RAB3C: variants seen among roughly 807,000 people sequenced by gnomAD.
RAB3C encodes the protein RAB3C, member RAS oncogene family, also known as ras-related protein Rab-3C.
RAB3C carries 17 observed loss-of-function variants against 26.4 expected under a neutral mutation model. That is an observed-to-expected ratio of 0.64 (90% CI 0.44 to 0.97). RAB3C has a LOEUF of 0.97. RAB3C is among the 50% of genes least tolerant of loss of function. The pLI, the probability that RAB3C is intolerant of heterozygous loss-of-function variation, is 0.00. For missense variants in RAB3C, 242 were observed against 281.9 expected (o/e 0.86, Z 1.01); for synonymous variants, 91 against 95.9 (o/e 0.95, Z 0.30).
chr5:58,823,720 T>C (rs941391708), intron 3 of RAB3C: 4 of 187,942 alleles, frequency 2.1e-5, no homozygotes, highest in African/African-American at 9.3e-5. Flanking sequence ...GCTAAAACAA[T>C]GTTCTAGGAT....
At chr5:58,744,743 C>T (rs1025277452) in intron 3 of RAB3C, among the ~76,000 whole-genome samples, 3 of 152,072 alleles carry the variant, frequency 2.0e-5, no homozygotes, top group Non-Finnish European at 4.4e-5. Context: ...AGATAGCATA[C>T]AAGGTTCTGT....
chr5:58,749,333 AT>A (rs1417619416), intron 3 of RAB3C, among the ~76,000 whole-genome samples: 7 of 152,168 alleles, frequency 4.6e-5, no homozygotes, highest in South Asian at 4.1e-4. Flanking sequence ...TGTGAATTTT[AT>A]TTTCACTTAA....
At chr5:58,659,184 A>G (rs545519362) in intron 2 of RAB3C, among the ~76,000 whole-genome samples, 1 of 152,382 alleles carries the variant, frequency 6.6e-6, no homozygotes, top group Non-Finnish European at 1.5e-5. Context: ...TGAGATATAT[A>G]CATATGCCCA....
chr5:58,792,996 G>A (rs1460055490), intron 3 of RAB3C, among the ~76,000 whole-genome samples: 1 of 152,082 alleles, frequency 6.6e-6, no homozygotes, highest in Non-Finnish European at 1.5e-5. Context: ...AAAATATTTA[G>A]AGTGTTATAT....
chr5:58,715,210 G>A (rs1186734443), intron 2 of RAB3C, among the ~76,000 whole-genome samples: 1 of 150,442 alleles, frequency 6.6e-6, no homozygotes, highest in African/African-American at 2.4e-5. Context: ...TAATTCCACA[G>A]GCTGAGTTTC....
At chr5:58,714,220 T>C (rs1025835319) in intron 2 of RAB3C, among the ~76,000 whole-genome samples, 26 of 152,100 alleles carry the variant, frequency 1.7e-4, no homozygotes, top group African/African-American at 6.3e-4. Context: ...ATGGAAGTCA[T>C]GAGGTCTTTA....
In RAB3C at chr5:58,759,905, A is replaced by T. The variant is rs776175377; in HGVS notation, c.371+33785A>T. 1.0e-3 allele frequency among the ~76,000 whole-genome samples: 158 copies of T among 152,218 alleles called. 1 individual carries two copies. The highest frequency in any genetic ancestry group is 3.7e-4 in the Non-Finnish European group (25 of 68,040). On this transcript the variant is annotated intron_variant, in intron 3 of 4. Transcript: ENST00000282878. The stretch of plus-strand genomic sequence containing the variant: ...ACCTGATGGCAAATTTACAGGACGA[A>T]AATTAGGCCACAGAGTAAGTGTTGT...
chr5:58,655,789 C>CTTTTTTTTTTTTTTTTT (rs34352086), intron 2 of RAB3C, among the ~76,000 whole-genome samples: 1 of 91,604 alleles, frequency 1.1e-5, no homozygotes, highest in Non-Finnish European at 2.0e-5. Context: ...AAACCTAACT[C>CTTTTTTTTTTTTTTTTT]TTTTTTTTTT....
chr5:58,789,339 G>GT (rs548994024), intron 3 of RAB3C, among the ~76,000 whole-genome samples: 171 of 152,234 alleles, frequency 1.1e-3, no homozygotes, highest in African/African-American at 4.1e-3. Flanking sequence ...AGGCATGGCT[G>GT]TAGACCCCAA....
chr5:58,600,518 G>A (rs970863122), intron 1 of RAB3C, among the ~76,000 whole-genome samples: 9 of 152,162 alleles, frequency 5.9e-5, no homozygotes, highest in Admixed American at 3.9e-4. Flanking sequence ...ATTTCTTTCA[G>A]TAATGTTTTG....
At chr5:58,675,027 T>A (rs781321559) in intron 2 of RAB3C, among the ~76,000 whole-genome samples, 1 of 152,124 alleles carries the variant, frequency 6.6e-6, no homozygotes, top group Non-Finnish European at 1.5e-5. Context: ...ACCTTGAGGA[T>A]CATATTGAAG....
intron 2 of RAB3C, among the ~76,000 whole-genome samples, chr5:58,688,350 A>G (rs1272989178): frequency 3.3e-5 from 5 of 152,124 alleles, no homozygotes; most frequent in African/African-American, 1.2e-4. Context: ...ACTGTTTAAT[A>G]TAAGTAGTAG....
In RAB3C at chr5:58,718,913, T is replaced by A. The variant is rs72760297; in HGVS notation, c.253-7089T>A. ...GAATGAAACAAGAAAGCATAAAATA[T>A]TTAAGCTTCCTATTTTTCTTACTAT... On this transcript the variant is annotated intron_variant, in intron 2 of 4. Transcript: ENST00000282878. Among the ~76,000 whole-genome samples, 591 of 152,168 alleles carry A rather than the reference T, an allele frequency of 3.9e-3. 4 individuals carry two copies. Among genetic ancestry groups the A allele is most frequent in the Middle Eastern group, 0.017 (5 of 294 alleles).
At chr5:58,722,760 G>T (rs1740801601) in intron 2 of RAB3C, among the ~76,000 whole-genome samples, 2 of 151,912 alleles carry the variant, frequency 1.3e-5, no homozygotes, top group South Asian at 2.1e-4. Flanking sequence ...ATCCAAATAA[G>T]TTCAAGAGTT....
chr5:58,653,516 G>A (rs1319526147), intron 2 of RAB3C, among the ~76,000 whole-genome samples: 4 of 152,088 alleles, frequency 2.6e-5, no homozygotes, highest in Admixed American at 2.6e-4. Flanking sequence ...TATTGCAGCA[G>A]TATTCACAAT....
intron 3 of RAB3C, among the ~76,000 whole-genome samples, chr5:58,763,870 A>T (rs535247740): frequency 6.6e-6 from 1 of 152,302 alleles, no homozygotes; most frequent in Admixed American, 6.5e-5. Flanking sequence ...GCACTGGACT[A>T]TTGAGAAATT....
chr5:58,603,406 G>A (rs1379280935), intron 1 of RAB3C, among the ~76,000 whole-genome samples: 1 of 152,108 alleles, frequency 6.6e-6, no homozygotes, highest in Non-Finnish European at 1.5e-5. Flanking sequence ...CCCCAAATAT[G>A]TTTTCCAAGC....
intron 2 of RAB3C, among the ~76,000 whole-genome samples, chr5:58,717,987 A>G: frequency 6.6e-6 from 1 of 152,102 alleles, no homozygotes; most frequent in African/African-American, 2.4e-5. Flanking sequence ...TAAAAGTCCC[A>G]TTCAAAAGCC....
chr5:58,732,361 A>G (rs781258906), intron 3 of RAB3C, among the ~76,000 whole-genome samples: 9 of 152,110 alleles, frequency 5.9e-5, no homozygotes, highest in Admixed American at 3.3e-4. Flanking sequence ...GAAAAAACAT[A>G]TCAATCTTAC....
Sources: allele counts gnomAD v4.1 joint callset (sites outside exome capture counted in the v4.1 genomes callset), GRCh38; gene constraint gnomAD v4.1.1; transcripts MANE v1.5; gene names NCBI Gene and HGNC (gene_info 2026-07-23, HGNC 2026-07-21).